Variants in GLTPD2 observed in about 807,000 individuals in gnomAD.
The protein encoded by GLTPD2 is glycolipid transfer protein domain containing 2, also known as glycolipid transfer protein domain-containing protein 2.
Under a neutral mutation model 12.9 loss-of-function variants are expected in GLTPD2, and 12 were observed. That is an observed-to-expected ratio of 0.93 (90% CI 0.59 to 1.50). The LOEUF is 1.50. GLTPD2 is among the 40% of genes most tolerant of loss of function. The probability of loss-of-function intolerance (pLI) is 0.00; values close to 1 mark genes in which losing one functional copy is unlikely to be tolerated. For synonymous variants in GLTPD2, 199 were observed against 205.6 expected, an observed-to-expected ratio of 0.97 and a Z score of 0.27; for missense variants, 450 against 426.2, an observed-to-expected ratio of 1.06 and a Z score of -0.49.
Position 4,790,581 on chromosome 17 carries a change from C to A in GLTPD2, c.*285C>A, listed in dbSNP as rs1034957038. ...ACAGGCGCTTAAGGGAAATAAAAAA[C>A]GAAGGTGAGAAGATGTGTCATCTCT... On this transcript the variant is annotated 3_prime_UTR_variant, in exon 4 of 4. Transcript: ENST00000331264. 2.0e-5 allele frequency among the ~76,000 whole-genome samples: 3 copies of A among 152,210 alleles called. No homozygotes were observed. Among genetic ancestry groups the A allele is most frequent in the Admixed American group, 6.5e-5 (1 of 15,284 alleles).
chr17:4,789,289 A>T lies in GLTPD2; in HGVS notation c.170A>T (p.Gln57Leu), dbSNP rs1917598563. Residue 57 changes from glutamine (Q) to leucine (L), a missense_variant and splice_region_variant, in exon 2 of 4, where the codon CAG becomes CTG. Physicochemically the swap from Gln to Leu is moderately radical, Grantham distance 113 (BLOSUM62 -2). Transcript: ENST00000331264. ...PCVPGETAPF[Q>L]VRQESGTLEA... ...GTTCCAGGGGAAACGGCGCCCTTCC[A>T]GGTACGCTAGGCGCAGGATTGGGCG... 5 of 1,584,292 alleles carry T rather than the reference A, an allele frequency of 3.2e-6. No individual in the cohort carries two copies. The highest frequency in any genetic ancestry group is 4.3e-6 in the Non-Finnish European group (5 of 1,165,318).
Position 4,789,023 on chromosome 17 carries a change from G to A in GLTPD2, c.12G>A (p.Ala4=), listed in dbSNP as rs557304264. The A allele has an allele frequency of 6.2e-7, 1 of 1,612,094 alleles. No individual in the cohort carries two copies. The highest frequency in any genetic ancestry group is 1.1e-5 in the South Asian group (1 of 91,018). Reference sequence around the variant, plus strand: ...TCCCAGCAGCAGGCATGGGAGTGGCGGCGCGGCCCCCAGCCCTGCGGCACT... The same window carrying A: ...TCCCAGCAGCAGGCATGGGAGTGGCAGCGCGGCCCCCAGCCCTGCGGCACT... MGV[A]ARPPALRHWF... The change falls in exon 1 of 4, where the codon GCG becomes GCA. Residue 4 remains alanine, a synonymous_variant. Coordinates refer to ENST00000331264, the MANE Select transcript of GLTPD2 (RefSeq NM_001014985.3).
At chr17:4,789,191 T>C in intron 1 of GLTPD2, 35 bp from the exon 2 acceptor site, 1 of 1,603,862 alleles carries the variant, frequency 6.2e-7, no homozygotes, top group South Asian at 1.1e-5. Flanking sequence ...AGCCTCTTTC[T>C]CGAGCCCTCA....
In GLTPD2 at chr17:4,789,254, G is replaced by C. The variant is rs1176355955; in HGVS notation, c.135G>C (p.Ala45=). ...LGARSGCGPR[A]QPCVPGETAP... is the part of the protein sequence containing the mutation. The stretch of plus-strand genomic sequence containing the variant: ...CCCGCTCGGGCTGCGGACCCAGGGC[G>C]CAGCCCTGCGTTCCAGGGGAAACGG... The change falls in exon 2 of 4, where the codon GCG becomes GCC. Residue 45 remains alanine, a synonymous_variant. Coordinates refer to ENST00000331264, the MANE Select transcript of GLTPD2 (RefSeq NM_001014985.3). 1 of 1,599,766 alleles carries C rather than the reference G, an allele frequency of 6.3e-7. No individual in the cohort carries two copies. The highest frequency in any genetic ancestry group is 1.7e-5 in the Admixed American group (1 of 57,222).
rs1458359806 is a variant in GLTPD2 at position 4,789,823 on chromosome 17, G to A, written c.403G>A (p.Asp135Asn). 1.9e-6 allele frequency: 3 copies of A among 1,611,078 alleles called. No homozygotes were observed. The highest frequency in any genetic ancestry group is 2.5e-6 in the Non-Finnish European group (3 of 1,178,788). ...TAGGGAGGCCTTCACCAAGGTGACA[G>A]ACCTGGAGGCTCGGGTGCACGGCCC... is the stretch of plus-strand genomic sequence containing the variant. ...ATREAFTKVT[D>N]LEARVHGPDA... Residue 135 changes from aspartate to asparagine, a missense_variant, in exon 4 of 4, where the codon GAC becomes AAC. By Grantham distance (23) the Asp-to-Asn change is conservative (BLOSUM62 1). Transcript: ENST00000331264.
In GLTPD2 at chr17:4,790,162, C is replaced by G. The variant is rs567508118; in HGVS notation, c.742C>G (p.Leu248Val). 109 of 1,468,348 alleles carry G rather than the reference C, an allele frequency of 7.4e-5. No homozygotes were observed. The East Asian group carries it at 3.1e-3, about 42-fold the overall frequency. 91.0% of individuals were successfully genotyped at this position (1,468,348 alleles called of 1,614,324 possible). ...CGCCTTCCCGGGTCGCCGCCGCCTGCTGGAGCTGGCGTGTCCCGGAGCCAC... is the reference window on the plus strand; with the variant it reads ...CGCCTTCCCGGGTCGCCGCCGCCTGGTGGAGCTGGCGTGTCCCGGAGCCAC... ...FLAFPGRRRL[L>V]ELACPGATEA... is the part of the protein sequence containing the mutation. Residue 248 changes from leucine (L) to valine (V), a missense_variant, in exon 4 of 4, where the codon CTG (leucine) becomes GTG (valine). Transcript: ENST00000331264.
In GLTPD2 at chr17:4,789,296, C is replaced by A; in HGVS notation, c.171+6C>A. 6.3e-7 allele frequency: 1 copy of A among 1,582,694 alleles called. No homozygotes were observed. The highest frequency in any genetic ancestry group is 1.1e-5 in the South Asian group (1 of 87,968). ...GGGAAACGGCGCCCTTCCAGGTACG[C>A]TAGGCGCAGGATTGGGCGCGGGCGC... On this transcript the variant is annotated splice_donor_region_variant and intron_variant, in intron 2 of 3. Transcript: ENST00000331264.
chr17:4,789,204 G>T, intron 1 of GLTPD2, 22 bp from the exon 2 acceptor site: 1 of 1,601,786 alleles, frequency 6.2e-7, no homozygotes, highest in African/African-American at 1.3e-5. Flanking sequence ...AGCCCTCACC[G>T]CTCCGCTTCT....
chr17:4,789,928 G>A lies in GLTPD2; in HGVS notation c.508G>A (p.Ala170Thr), dbSNP rs1378741495. The A allele has an allele frequency of 2.6e-6, 4 of 1,541,890 alleles. No homozygotes were observed. The highest frequency in any genetic ancestry group is 2.4e-5 in the South Asian group (2 of 83,716). Reference protein sequence around the residue: ...RAGLLEQPGAAPRDPTRSSGS... With the variant: ...RAGLLEQPGATPRDPTRSSGS... ...GGGACTGCTGGAGCAGCCGGGGGCG[G>A]CCCCCCGGGACCCGACCCGGAGCTC... Residue 170 changes from alanine to threonine, a missense_variant, in exon 4 of 4, where the codon GCC (alanine) becomes ACC (threonine). Coordinates refer to ENST00000331264, the MANE Select transcript of GLTPD2 (RefSeq NM_001014985.3).
chr17:4,789,810 C>T lies in GLTPD2; in HGVS notation c.390C>T (p.Phe130=). Residue 130 remains phenylalanine, a synonymous_variant, in exon 4 of 4, where the codon TTC becomes TTT. Coordinates refer to ENST00000331264, the MANE Select transcript of GLTPD2 (RefSeq NM_001014985.3). ...SVFAFATREA[F]TKVTDLEARV... is the part of the protein sequence containing the mutation. ...TCGCCTTCGCCACTAGGGAGGCCTT[C>T]ACCAAGGTGACAGACCTGGAGGCTC... The T allele has an allele frequency of 6.2e-7, 1 of 1,611,812 alleles. No individual in the cohort carries two copies. The highest frequency in any genetic ancestry group is 2.2e-5 in the East Asian group (1 of 44,752).
chr17:4,789,122 G>A lies in GLTPD2; in HGVS notation c.106+5G>A. 6.2e-7 allele frequency: 1 copy of A among 1,613,566 alleles called. No homozygotes were observed. The highest frequency in any genetic ancestry group is 8.5e-7 in the Non-Finnish European group (1 of 1,179,712). On this transcript the variant is annotated splice_donor_5th_base_variant and intron_variant, in intron 1 of 3. Transcript: ENST00000331264. Reference sequence around the variant, plus strand: ...ATCTCAGTGTTCGGAGCCTAGGTGAGCTGCCCCTTCCCTCACTTGCTCCGG... The same window carrying A: ...ATCTCAGTGTTCGGAGCCTAGGTGAACTGCCCCTTCCCTCACTTGCTCCGG...
intron 3 of GLTPD2, 32 bp downstream of exon 3, chr17:4,789,709 C>T: frequency 6.2e-7 from 1 of 1,612,440 alleles, no homozygotes; most frequent in Non-Finnish European, 8.5e-7. Context: ...AGCCGGTCCC[C>T]GCCTCCTTGG....
In GLTPD2 at chr17:4,790,359, G is replaced by A; in HGVS notation, c.*63G>A. 4 of 1,327,388 alleles carry A rather than the reference G, an allele frequency of 3.0e-6. No homozygotes were observed. The highest frequency in any genetic ancestry group is 7.9e-5 in the Admixed American group (2 of 25,362). The allele number at this position is 1,327,388 out of a possible 1,614,324, so 82.2% of individuals were successfully genotyped here. On this transcript the variant is annotated 3_prime_UTR_variant, in exon 4 of 4. Coordinates refer to ENST00000331264, the MANE Select transcript of GLTPD2 (RefSeq NM_001014985.3). ...CGCCCGGGGTGGGGCCGCGCAGCCC[G>A]GGGTCAGTCCTGCAGCCCGCGCCGC...
Position 4,790,091 on chromosome 17 carries a change from C to A in GLTPD2, c.671C>A (p.Pro224Gln). The A allele has an allele frequency of 1.4e-6, 2 of 1,411,786 alleles. No individual in the cohort carries two copies. The highest frequency in any genetic ancestry group is 9.1e-7 in the Non-Finnish European group (1 of 1,094,088). 87.5% of individuals were successfully genotyped at this position (1,411,786 alleles called of 1,614,324 possible). A position where few individuals can be genotyped will look rare whatever the true frequency, so the allele number is the denominator to read the frequency against. ...GACGCCTACCGTGCGGCCCTGGGTC[C>A]GCATCACCCCTGGCTGGTCCGACAG... ...CSDAYRAALG[P>Q]HHPWLVRQTA... The change falls in exon 4 of 4, where the codon CCG (proline) becomes CAG (glutamine). Residue 224 changes from proline to glutamine, a missense_variant. Physicochemically the swap from Pro to Gln is moderately conservative, Grantham distance 76 (BLOSUM62 -1). Coordinates refer to ENST00000331264, the MANE Select transcript of GLTPD2 (RefSeq NM_001014985.3).
Position 4,790,212 on chromosome 17 carries a change from G to GCTCC in GLTPD2, c.792_793insCTCC (p.Val265LeufsTer83), listed in dbSNP as rs1406972892. On this transcript the variant is annotated frameshift_variant, in exon 4 of 4. Coordinates refer to ENST00000331264, the MANE Select transcript of GLTPD2 (RefSeq NM_001014985.3). LOFTEE classifies it low-confidence loss of function (END_TRUNC). ...CCGAGGCGGAGGCGCGGGCCGCGCT[G>GCTCC]GTCCGGGCCGCCGGCACCTTGGAGG... The GCTCC allele has an allele frequency of 1.3e-6, 2 of 1,483,722 alleles. No homozygotes were observed. Among genetic ancestry groups the GCTCC allele is most frequent in the Non-Finnish European group, 1.8e-6 (2 of 1,124,804 alleles). The allele number at this position is 1,483,722 out of a possible 1,614,324, so 91.9% of individuals were successfully genotyped here.
chr17:4,789,492 C>T lies in GLTPD2; in HGVS notation c.172-19C>T, dbSNP rs1294781003. The stretch of plus-strand genomic sequence containing the variant: ...GGCAGAATCTGCTCCCACCTCTTCC[C>T]ATCGTGTCTCCCCACCAGGTCCGGC... On this transcript the variant is annotated intron_variant, in intron 2 of 3. Transcript: ENST00000331264. The T allele has an allele frequency of 6.2e-7, 1 of 1,612,160 alleles. No individual in the cohort carries two copies. Among genetic ancestry groups the T allele is most frequent in the South Asian group, 1.1e-5 (1 of 91,016 alleles).
In GLTPD2 at chr17:4,789,962, G is replaced by C; in HGVS notation, c.542G>C (p.Arg181Pro). Residue 181 changes from arginine to proline, a missense_variant, in exon 4 of 4, where the codon CGC becomes CCC. Arg to Pro is a moderately radical substitution (Grantham distance 103). Coordinates refer to ENST00000331264, the MANE Select transcript of GLTPD2 (RefSeq NM_001014985.3). ...PRDPTRSSGS[R>P]TLLLLHRALR... The stretch of plus-strand genomic sequence containing the variant: ...GACCCGACCCGGAGCTCGGGCTCTC[G>C]CACGCTGCTCCTGCTGCACCGCGCG... 2 of 1,535,220 alleles carry C rather than the reference G, an allele frequency of 1.3e-6. No homozygotes were observed. Among genetic ancestry groups the C allele is most frequent in the Non-Finnish European group, 1.7e-6 (2 of 1,143,892 alleles).
Position 4,789,264 on chromosome 17 carries a change from G to C in GLTPD2, c.145G>C (p.Val49Leu). 6.3e-7 allele frequency: 1 copy of C among 1,594,326 alleles called. No homozygotes were observed. The highest frequency in any genetic ancestry group is 8.5e-7 in the Non-Finnish European group (1 of 1,169,926). ...SGCGPRAQPC[V>L]PGETAPFQVR... ...CTGCGGACCCAGGGCGCAGCCCTGC[G>C]TTCCAGGGGAAACGGCGCCCTTCCA... The change falls in exon 2 of 4, where the codon GTT (valine) becomes CTT (leucine). Residue 49 changes from valine to leucine, a missense_variant. Val to Leu is a conservative substitution (Grantham distance 32). Coordinates refer to ENST00000331264, the MANE Select transcript of GLTPD2 (RefSeq NM_001014985.3).
chr17:4,790,424 G>T lies in GLTPD2; in HGVS notation c.*128G>T. ...CCCGCCTCTTCCGTGACGTCGCCGC[G>T]GCGAGGGCCGCCCCCGGCAGGGAAT... is the stretch of plus-strand genomic sequence containing the variant. On this transcript the variant is annotated 3_prime_UTR_variant, in exon 4 of 4. Transcript: ENST00000331264. 1.5e-6 allele frequency: 1 copy of T among 689,604 alleles called. No individual in the cohort carries two copies. The highest frequency in any genetic ancestry group is 4.0e-5 in the South Asian group (1 of 25,140). 42.7% of individuals were successfully genotyped at this position (689,604 alleles called of 1,614,324 possible). A position where few individuals can be genotyped will look rare whatever the true frequency, so the allele number is the denominator to read the frequency against.
Sources: allele counts gnomAD v4.1 joint callset (sites outside exome capture counted in the v4.1 genomes callset), GRCh38; gene constraint gnomAD v4.1.1; transcripts MANE v1.5; gene names NCBI Gene and HGNC (gene_info 2026-07-23, HGNC 2026-07-21).